CPEB3: variants seen among roughly 807,000 people sequenced by gnomAD.
CPEB3 encodes cytoplasmic polyadenylation element binding protein 3.
Under a neutral mutation model 67.2 loss-of-function variants are expected in CPEB3, and 20 were observed. The ratio of observed to expected loss-of-function variants is 0.30; its 90% CI spans 0.21 to 0.43. The LOEUF is 0.43. CPEB3 is among the 20% of genes least tolerant of loss of function. The pLI, the probability that CPEB3 is intolerant of heterozygous loss-of-function variation, is 1.00. For synonymous variants in CPEB3, 376 were observed against 393.1 expected, an observed-to-expected ratio of 0.96 and a Z score of 0.51; for missense variants, 746 against 968.6, an observed-to-expected ratio of 0.77 and a Z score of 3.05.
chr10:92,072,530 T>C (rs1181840966), intron 9 of CPEB3, among the ~76,000 whole-genome samples: 2 of 152,168 alleles, frequency 1.3e-5, no homozygotes, highest in African/African-American at 2.4e-5. Context: ...AAGTGTGAGG[T>C]AGTTAGGCTG....
chr10:92,256,909 T>C (rs1354089385), intron 1 of CPEB3, among the ~76,000 whole-genome samples: 2 of 152,268 alleles, frequency 1.3e-5, no homozygotes, highest in African/African-American at 4.8e-5. Context: ...TTTGGGACTA[T>C]ATTCATCTTT....
intron 3 of CPEB3, among the ~76,000 whole-genome samples, chr10:92,182,619 A>T (rs1016944451): frequency 3.9e-5 from 6 of 152,186 alleles, no homozygotes; most frequent in Non-Finnish European, 8.8e-5. Context: ...TGAGGTCATG[A>T]GTTAGAGACC....
chr10:92,100,422 C>T (rs1383030578), intron 7 of CPEB3, among the ~76,000 whole-genome samples: 7 of 151,974 alleles, frequency 4.6e-5, no homozygotes, highest in Non-Finnish European at 7.4e-5. Flanking sequence ...TACCGGCATG[C>T]GCCACCACGC....
intron 9 of CPEB3, among the ~76,000 whole-genome samples, chr10:92,054,009 T>C (rs1842020264): frequency 6.6e-6 from 1 of 152,238 alleles, no homozygotes; most frequent in Non-Finnish European, 1.5e-5. Flanking sequence ...ATTGTGGTTT[T>C]GATTTGCATT....
intron 2 of CPEB3, among the ~76,000 whole-genome samples, chr10:92,232,877 A>C (rs1378304360): frequency 6.6e-6 from 1 of 152,210 alleles, no homozygotes; most frequent in Non-Finnish European, 1.5e-5. Flanking sequence ...TTTTGTACTA[A>C]CTCACGACAA....
intron 9 of CPEB3, among the ~76,000 whole-genome samples, chr10:92,055,531 G>T (rs988404533): frequency 6.6e-6 from 1 of 152,100 alleles, no homozygotes; most frequent in African/African-American, 2.4e-5. Context: ...TCTTCATAAG[G>T]AATGCCAAGT....
At chr10:92,231,412 T>C (rs1424040947) in intron 2 of CPEB3, among the ~76,000 whole-genome samples, 2 of 152,186 alleles carry the variant, frequency 1.3e-5, no homozygotes, top group Non-Finnish European at 2.9e-5. Context: ...TCTAACAGTA[T>C]ATAATTTTCA....
At chr10:92,173,548 T>C (rs1848097733) in intron 4 of CPEB3, among the ~76,000 whole-genome samples, 1 of 152,158 alleles carries the variant, frequency 6.6e-6, no homozygotes, top group African/African-American at 2.4e-5. Context: ...CGAATTTGCA[T>C]GTTTGTGTTA....
intron 2 of CPEB3, among the ~76,000 whole-genome samples, chr10:92,233,103 T>C (rs1488268383): frequency 6.6e-6 from 1 of 152,200 alleles, no homozygotes; most frequent in African/African-American, 2.4e-5. Context: ...GACCTTAAAG[T>C]GGTTTTGCAT....
rs77997754 is a variant in CPEB3, at chr10:92,192,691, A to C, written c.1006-55T>G. 1,347 of 1,378,480 alleles carry C rather than the reference A, an allele frequency of 9.8e-4. 18 individuals carry two copies. In the African/African-American group the frequency reaches 0.018, roughly 18 times the overall value. The allele number at this position is 1,378,480 out of a possible 1,614,324, so 85.4% of individuals were successfully genotyped here. On this transcript the variant is annotated intron_variant, in intron 2 of 9. Coordinates refer to ENST00000265997, the MANE Select transcript of CPEB3 (RefSeq NM_014912.5). Reference sequence around the variant, plus strand: ...CATAAAATTACTTCATAAAATTAACACCATATCATTTGCTTCCTGCTGTGG... The same window carrying C: ...CATAAAATTACTTCATAAAATTAACCCCATATCATTTGCTTCCTGCTGTGG...
intron 9 of CPEB3, among the ~76,000 whole-genome samples, chr10:92,078,702 C>T (rs1843027342): frequency 1.3e-5 from 2 of 152,136 alleles, no homozygotes; most frequent in Non-Finnish European, 2.9e-5. Flanking sequence ...ATGTTCCAAA[C>T]ACATTTTCAT....
At chr10:92,096,870 T>A (rs1843906617) in intron 7 of CPEB3, among the ~76,000 whole-genome samples, 1 of 152,160 alleles carries the variant, frequency 6.6e-6, no homozygotes, top group East Asian at 1.9e-4. Flanking sequence ...CACTTGAATC[T>A]GGGAGGCAGA....
intron 5 of CPEB3, among the ~76,000 whole-genome samples, chr10:92,144,468 G>A (rs933653482): frequency 6.6e-6 from 1 of 152,060 alleles, no homozygotes; most frequent in African/African-American, 2.4e-5. Flanking sequence ...GTCTTGCTAT[G>A]TTGCCCAGGC....
chr10:92,189,402 T>C (rs1848851106), intron 3 of CPEB3, among the ~76,000 whole-genome samples: 1 of 152,190 alleles, frequency 6.6e-6, no homozygotes. Context: ...AGCAAAAAAT[T>C]GTGGATAACA....
intron 2 of CPEB3, among the ~76,000 whole-genome samples, chr10:92,213,265 T>C (rs959353133): frequency 2.0e-5 from 3 of 152,220 alleles, no homozygotes; most frequent in South Asian, 2.1e-4. Flanking sequence ...TCAGCAAGTT[T>C]AGGAAACTCA....
chr10:92,287,644 A>T (rs1842593479), intron 1 of CPEB3, among the ~76,000 whole-genome samples: 1 of 152,112 alleles, frequency 6.6e-6, no homozygotes, highest in East Asian at 1.9e-4. Context: ...CTGTGGAGCT[A>T]ATTACTCTTT....
chr10:92,215,587 G>A (rs537576979), intron 2 of CPEB3, among the ~76,000 whole-genome samples: 25 of 148,842 alleles, frequency 1.7e-4, no homozygotes, highest in African/African-American at 5.2e-4. Flanking sequence ...GATTACAGGC[G>A]CCCACCACTA....
chr10:92,131,013 A>G (rs1322148949), intron 6 of CPEB3, among the ~76,000 whole-genome samples: 1 of 152,200 alleles, frequency 6.6e-6, no homozygotes, highest in Admixed American at 6.5e-5. Context: ...TATTCTTAAC[A>G]TTGGAATAAC....
chr10:92,224,726 G>A (rs1161875021), intron 2 of CPEB3, among the ~76,000 whole-genome samples: 1 of 151,780 alleles, frequency 6.6e-6, no homozygotes. Flanking sequence ...TGCGCCTGTA[G>A]TCCTAGCTAC....
Sources: allele counts gnomAD v4.1 joint callset (sites outside exome capture counted in the v4.1 genomes callset), GRCh38; gene constraint gnomAD v4.1.1; transcripts MANE v1.5; gene names NCBI Gene and HGNC (gene_info 2026-07-23, HGNC 2026-07-21).